The following PDLIM5 variants were observed in gnomAD, a reference collection of about 807,000 sequenced individuals.
The protein encoded by PDLIM5 is PDZ and LIM domain protein 5.
PDLIM5 carries 34 observed loss-of-function variants against 64.2 expected under a neutral mutation model. The observed-to-expected ratio is 0.53, with a 90% confidence interval of 0.40 to 0.71. The LOEUF is 0.71. PDLIM5 is among the 30% of genes least tolerant of loss of function. The pLI is 0.00. For missense variants in PDLIM5, 683 were observed against 733.6 expected (o/e 0.93, Z 0.80); for synonymous variants, 253 against 269.1 (o/e 0.94, Z 0.59).
rs780667379 is a variant in PDLIM5 at position 94,585,610 on chromosome 4, T to A, written c.756T>A (p.His252Gln). The A allele has an allele frequency of 5.6e-6, 9 of 1,613,398 alleles. No homozygotes were observed. In the East Asian group the frequency reaches 6.7e-5, roughly 12 times the overall value. Reference protein sequence around the residue: ...HIVERYTEFYHVPTHSDASKK... With the variant: ...HIVERYTEFYQVPTHSDASKK... ...TGGAGCGCTATACAGAGTTTTATCA[T>A]GTACCCACTCACAGTGATGCCAGCA... is the stretch of plus-strand genomic sequence containing the variant. Residue 252 changes from histidine (H) to glutamine (Q), a missense_variant, in exon 6 of 13, where the codon CAT (histidine) becomes CAA (glutamine). Physicochemically the swap from His to Gln is conservative, Grantham distance 24. Transcript: ENST00000317968.
At chr4:94,621,336 C>T (rs2110405950) in intron 8 of PDLIM5, among the ~76,000 whole-genome samples, 1 of 152,264 alleles carries the variant, frequency 6.6e-6, no homozygotes, top group Middle Eastern at 3.4e-3. Context: ...ATGCTAAGCT[C>T]AGCCCCATAC....
intron 3 of PDLIM5, among the ~76,000 whole-genome samples, chr4:94,527,661 G>A (rs144970788): frequency 2.6e-5 from 4 of 152,204 alleles, no homozygotes; most frequent in African/African-American, 7.2e-5. Context: ...ATGAGCAAAG[G>A]TGTGATTTCA....
At chr4:94,608,130 T>A in intron 7 of PDLIM5, 1 of 1,531,038 alleles carries the variant, frequency 6.5e-7, no homozygotes, top group East Asian at 2.4e-5. Flanking sequence ...GTGTTAACTA[T>A]TGGTAGCCAA....
At chr4:94,508,902 C>T (rs1481486717) in intron 2 of PDLIM5, among the ~76,000 whole-genome samples, 2 of 152,138 alleles carry the variant, frequency 1.3e-5, no homozygotes, top group South Asian at 2.1e-4. Context: ...CCTTTAATTG[C>T]CTGCCATTCC....
At position 94,523,705 on chromosome 4, in the gene PDLIM5, T is replaced by A. The variant is rs372612390; in HGVS notation, c.97-19T>A. ...CTTTTTCAAAGAGTGACACTCCTAA[T>A]GAAATATATTTATTACAGCTAAAAG... On this transcript the variant is annotated intron_variant, in intron 2 of 12. Transcript: ENST00000317968. 1 of 1,598,922 alleles carries A rather than the reference T, an allele frequency of 6.3e-7. No individual in the cohort carries two copies. Among genetic ancestry groups the A allele is most frequent in the South Asian group, 1.1e-5 (1 of 90,294 alleles).
At chr4:94,596,614 G>A (rs1452097147) in intron 7 of PDLIM5, among the ~76,000 whole-genome samples, 1 of 151,628 alleles carries the variant, frequency 6.6e-6, no homozygotes, top group Non-Finnish European at 1.5e-5. Flanking sequence ...TCAAAATCAT[G>A]GAAGGCTTAA....
chr4:94,601,161 A>G (rs1330265632), intron 7 of PDLIM5, among the ~76,000 whole-genome samples: 3 of 152,188 alleles, frequency 2.0e-5, no homozygotes, highest in Non-Finnish European at 2.9e-5. Flanking sequence ...GTTATTTCTC[A>G]TAGTTCTGGA....
intron 12 of PDLIM5, among the ~76,000 whole-genome samples, chr4:94,663,194 C>G (rs1742878872): frequency 6.6e-6 from 1 of 152,164 alleles, no homozygotes; most frequent in Non-Finnish European, 1.5e-5. Flanking sequence ...AACATATCTA[C>G]AGTTTTCAAT....
At chr4:94,492,338 G>T (rs1459056736) in intron 2 of PDLIM5, among the ~76,000 whole-genome samples, 1 of 151,370 alleles carries the variant, frequency 6.6e-6, no homozygotes, top group African/African-American at 2.4e-5. Flanking sequence ...TGATTGGAAT[G>T]AATTTATTAG....
chr4:94,527,043 AT>A (rs1276607125), intron 3 of PDLIM5, among the ~76,000 whole-genome samples: 12 of 94,322 alleles, frequency 1.3e-4, no homozygotes, highest in African/African-American at 4.3e-4. Flanking sequence ...CCTGAACAGC[AT>A]TCTTTTTTTT....
At chr4:94,500,837 G>A (rs1727847404) in intron 2 of PDLIM5, among the ~76,000 whole-genome samples, 1 of 151,914 alleles carries the variant, frequency 6.6e-6, no homozygotes, top group Admixed American at 6.6e-5. Flanking sequence ...AAGCTGGAGT[G>A]CAGTGACGTG....
intron 2 of PDLIM5, among the ~76,000 whole-genome samples, chr4:94,479,608 G>C (rs1379273682): frequency 6.6e-6 from 1 of 152,040 alleles, no homozygotes; most frequent in Admixed American, 6.6e-5. Flanking sequence ...TGAGATTACA[G>C]GCATGAGCCA....
chr4:94,477,770 C>T (rs1376213544), intron 2 of PDLIM5, among the ~76,000 whole-genome samples: 1 of 152,072 alleles, frequency 6.6e-6, no homozygotes, highest in Non-Finnish European at 1.5e-5. Flanking sequence ...CCTCCCCTTC[C>T]ACCTCCTCCA....
At chr4:94,513,728 T>G (rs1729102236) in intron 2 of PDLIM5, among the ~76,000 whole-genome samples, 1 of 152,174 alleles carries the variant, frequency 6.6e-6, no homozygotes, top group Non-Finnish European at 1.5e-5. Flanking sequence ...GTTTGTTTGT[T>G]TGATTGTTCT....
At chr4:94,514,133 C>CT (rs34757067) in intron 2 of PDLIM5, among the ~76,000 whole-genome samples, 1,466 of 115,134 alleles carry the variant, frequency 0.013, 31 homozygotes, top group Admixed American at 0.044. Flanking sequence ...CTAGTATTTT[C>CT]TTTTTTTTTT....
In PDLIM5 at chr4:94,515,531, G is replaced by T. The variant is rs546213051; in HGVS notation, c.97-8193G>T. On this transcript the variant is annotated intron_variant, in intron 2 of 12. Transcript: ENST00000317968. ...ATTTTTCCTCCTGTCGTAGAAGTAT[G>T]CTGGCCTGGTGTTTACCAACCACAC... Among the ~76,000 whole-genome samples, 4 of 152,280 alleles carry T rather than the reference G, an allele frequency of 2.6e-5. No individual in the cohort carries two copies. The East Asian group carries it at 7.7e-4, about 29-fold the overall frequency.
chr4:94,531,379 T>C (rs1730854712), intron 3 of PDLIM5, among the ~76,000 whole-genome samples: 1 of 152,164 alleles, frequency 6.6e-6, no homozygotes, highest in Non-Finnish European at 1.5e-5. Flanking sequence ...TATCAATCCA[T>C]TGAGGAAGAA....
intron 1 of PDLIM5, among the ~76,000 whole-genome samples, chr4:94,454,840 C>G (rs917858491): frequency 6.6e-6 from 1 of 152,174 alleles, no homozygotes; most frequent in Non-Finnish European, 1.5e-5. Context: ...AGTTGAAAGA[C>G]TCTTGTCAAT....
At chr4:94,648,589 C>G (rs558707855) in intron 9 of PDLIM5, among the ~76,000 whole-genome samples, 2 of 152,188 alleles carry the variant, frequency 1.3e-5, no homozygotes, top group East Asian at 3.9e-4. Context: ...CGTGAGCCAC[C>G]GCACCCGGCC....
Sources: gnomAD v4.1 joint callset for allele counts (sites outside exome capture counted in the v4.1 genomes callset) on GRCh38, gnomAD v4.1.1 for gene constraint, MANE v1.5 for transcripts, NCBI Gene and HGNC (gene_info 2026-07-23, HGNC 2026-07-21) for gene names.